SYNPO: variants seen among roughly 807,000 people sequenced by gnomAD.
The protein encoded by SYNPO is synaptopodin.
SYNPO carries 19 observed loss-of-function variants against 49.5 expected under a neutral mutation model. The observed-to-expected ratio is 0.38, with a 90% CI of 0.27 to 0.56. SYNPO has a LOEUF of 0.56. SYNPO is among the 20% of genes least tolerant of loss of function. The pLI is 0.68. For synonymous variants in SYNPO, 536 were observed against 548.0 expected, an observed-to-expected ratio of 0.98 and a Z score of 0.31; for missense variants, 1,131 against 1,248.3, an observed-to-expected ratio of 0.91 and a Z score of 1.42.
At chr5:150,619,838 C>G (rs955456741) in intron 2 of SYNPO, among the ~76,000 whole-genome samples, 1 of 152,238 alleles carries the variant, frequency 6.6e-6, no homozygotes, top group Non-Finnish European at 1.5e-5. Flanking sequence ...CTGATCACCC[C>G]CCATGGCCAC....
chr5:150,642,700 T>C (rs1369296710), intron 1 of SYNPO, among the ~76,000 whole-genome samples: 1 of 152,216 alleles, frequency 6.6e-6, no homozygotes, highest in Non-Finnish European at 1.5e-5. Context: ...GCGAAAATCA[T>C]CTGGATGGCT....
At chr5:150,639,431 A>G (rs1195343283), upstream of SYNPO, among the ~76,000 whole-genome samples, 1 of 152,152 alleles carries the variant, frequency 6.6e-6, no homozygotes, top group East Asian at 1.9e-4. Context: ...TAGGAGTCTG[A>G]ATGGATTGAT....
the SYNPO span, among the ~76,000 whole-genome samples, chr5:150,586,490 CA>C: frequency 3.3e-5 from 5 of 152,254 alleles, no homozygotes; most frequent in South Asian, 1.0e-3. Context: ...TCCAGAATAG[CA>C]CTTCAAAAAC....
chr5:150,617,694 C>T (rs1037599540), intron 1 of SYNPO: 2 of 152,060 alleles, frequency 1.3e-5, no homozygotes, highest in African/African-American at 4.8e-5. Flanking sequence ...GTGTAGGTAC[C>T]TTTGCTGGGA....
chr5:150,640,200 G>A (rs1040747030), upstream of SYNPO: 7 of 983,402 alleles, frequency 7.1e-6, no homozygotes, highest in African/African-American at 1.2e-4. Flanking sequence ...GTTATTAAGT[G>A]ATGCAGACAG....
intron 2 of SYNPO, among the ~76,000 whole-genome samples, 185 bp from the exon 3 acceptor site, chr5:150,656,219 G>C (rs1227651138): frequency 1.3e-5 from 2 of 152,036 alleles, no homozygotes; most frequent in African/African-American, 4.8e-5. Context: ...CAAGACAGCG[G>C]GGACTCTTCA....
chr5:150,617,730 G>T (rs1757019756), intron 1 of SYNPO: 1 of 152,178 alleles, frequency 6.6e-6, no homozygotes, highest in African/African-American at 2.4e-5. Context: ...TCTAGGTGGT[G>T]TCTAGATACG....
intron 1 of SYNPO, among the ~76,000 whole-genome samples, chr5:150,609,908 G>C (rs921461291): frequency 6.6e-6 from 1 of 152,164 alleles, no homozygotes; most frequent in African/African-American, 2.4e-5. Context: ...TTCTGGTGTG[G>C]CCAAGGGAGA....
chr5:150,611,021 G>A (rs941649425), intron 1 of SYNPO, among the ~76,000 whole-genome samples: 1 of 152,042 alleles, frequency 6.6e-6, no homozygotes, highest in Non-Finnish European at 1.5e-5. Flanking sequence ...TTGCATATGA[G>A]GATTTAACAT....
chr5:150,602,402 G>A (rs1756568167), intron 1 of SYNPO, among the ~76,000 whole-genome samples: 1 of 152,202 alleles, frequency 6.6e-6, no homozygotes, highest in African/African-American at 2.4e-5. Flanking sequence ...CATGTAGACT[G>A]CCAATTTTCA....
intron 1 of SYNPO, among the ~76,000 whole-genome samples, chr5:150,613,342 C>T (rs1305923811): frequency 6.6e-6 from 1 of 152,290 alleles, no homozygotes. Context: ...AACTGGCCAT[C>T]TTCTCAGCCC....
intron 1 of SYNPO, chr5:150,601,256 G>A (rs1756531910): frequency 6.6e-6 from 1 of 152,438 alleles, no homozygotes; most frequent in Non-Finnish European, 1.5e-5. Context: ...GGGTCCCTGG[G>A]ATGGCCAGTG....
chr5:150,641,566 C>A (rs1181504206), intron 1 of SYNPO, among the ~76,000 whole-genome samples: 1 of 152,200 alleles, frequency 6.6e-6, no homozygotes, highest in Non-Finnish European at 1.5e-5. Flanking sequence ...TCCTGTGGAT[C>A]CTCCATCCAC....
chr5:150,617,143 C>A (rs563472520), intron 1 of SYNPO, among the ~76,000 whole-genome samples: 2 of 152,200 alleles, frequency 1.3e-5, no homozygotes, highest in South Asian at 2.1e-4. Flanking sequence ...CAATGCAATG[C>A]GAAGTTAGAA....
intron 2 of SYNPO, among the ~76,000 whole-genome samples, chr5:150,631,900 C>A (rs558351325): frequency 2.2e-4 from 33 of 152,256 alleles, no homozygotes; most frequent in South Asian, 4.2e-4. Context: ...CAGGTGAGTT[C>A]TTATTTCCTT....
At chr5:150,598,722 T>TG (rs200193282), upstream of SYNPO, among the ~76,000 whole-genome samples, 2,355 of 152,198 alleles carry the variant, frequency 0.015, 53 homozygotes, top group African/African-American at 0.054. Context: ...GCCTCTGAAC[T>TG]GTTACCAACA....
At chr5:150,644,256 C>T (rs1347760821) in intron 1 of SYNPO, among the ~76,000 whole-genome samples, 2 of 152,042 alleles carry the variant, frequency 1.3e-5, no homozygotes, top group Non-Finnish European at 2.9e-5. Flanking sequence ...AGACACCTCC[C>T]GGGGGAGTGA....
chr5:150,626,784 T>G (rs970217417), intron 2 of SYNPO, among the ~76,000 whole-genome samples: 2 of 152,116 alleles, frequency 1.3e-5, no homozygotes, highest in Non-Finnish European at 1.5e-5. Flanking sequence ...GGGAAGAGGT[T>G]TGCACAGAGT....
Position 150,648,795 on chromosome 5 carries a change from G to C in SYNPO, c.520G>C (p.Ala174Pro). Residue 174 changes from alanine (A) to proline (P), a missense_variant, in exon 2 of 3, where the codon GCT (alanine) becomes CCT (proline). Ala to Pro is a conservative substitution (Grantham distance 27). Transcript: ENST00000307662. This position sits in a 1 kb window ranked among gnomAD's most constrained non-coding sequence, Gnocchi z 5.0. ...CACCACCAGCACCTTCTCCAGAGAA[G>C]CTACGCTCATCCCCAGCTCCAGGCC... ...ATTTSTFSRE[A>P]TLIPSSRPPA... 1.2e-6 allele frequency: 2 copies of C among 1,614,228 alleles called. No individual in the cohort carries two copies. The highest frequency in any genetic ancestry group is 1.7e-6 in the Non-Finnish European group (2 of 1,180,042).
Sources: allele counts gnomAD v4.1 joint callset (sites outside exome capture counted in the v4.1 genomes callset), GRCh38; gene constraint gnomAD v4.1.1; non-coding constraint Gnocchi (gnomAD v3.1); transcripts MANE v1.5; gene names NCBI Gene and HGNC (gene_info 2026-07-23, HGNC 2026-07-21).